Variants in PIEZO2 observed in about 807,000 individuals in gnomAD.
PIEZO2 encodes piezo type mechanosensitive ion channel component 2.
PIEZO2 carries 172 observed loss-of-function variants against 337.3 expected under a neutral mutation model. The observed-to-expected ratio is 0.51, with a 90% CI of 0.45 to 0.58. The LOEUF (loss-of-function observed/expected upper bound fraction) is 0.58, where lower values mean the gene tolerates loss of function less well. Ranked by LOEUF, PIEZO2 falls within the 20% of genes least tolerant of loss-of-function variation. The pLI is 0.00. For synonymous variants in PIEZO2, 1,251 were observed against 1,228.5 expected (o/e 1.02, Z -0.38); for missense variants, 3,028 against 3,391.3 (o/e 0.89, Z 2.66).
intron 2 of PIEZO2, among the ~76,000 whole-genome samples, chr18:11,023,271 C>G (rs1029982385): frequency 2.6e-5 from 4 of 152,056 alleles, no homozygotes; most frequent in Admixed American, 6.5e-5. Flanking sequence ...TACAGAGAGC[C>G]GAGTGGTCTG....
chr18:10,681,373 G>A (rs1299495895), intron 51 of PIEZO2, among the ~76,000 whole-genome samples: 1 of 152,200 alleles, frequency 6.6e-6, no homozygotes, highest in African/African-American at 2.4e-5. Context: ...GATTCCCAGA[G>A]TAGGCCTACT....
chr18:10,749,063 A>G (rs756697374), intron 29 of PIEZO2, among the ~76,000 whole-genome samples: 39 of 152,194 alleles, frequency 2.6e-4, no homozygotes, highest in Non-Finnish European at 4.6e-4. Flanking sequence ...TATTAGAAGG[A>G]GTATCAATAG....
chr18:10,804,639 C>T (rs2039937442), intron 8 of PIEZO2, among the ~76,000 whole-genome samples: 2 of 151,562 alleles, frequency 1.3e-5, no homozygotes, highest in African/African-American at 4.8e-5. Flanking sequence ...CAGAGTAGAA[C>T]TCCTAAGCAG....
rs984076725 is a variant in PIEZO2 at position 10,828,439 on chromosome 18, AT to A, written c.918-21166del. Among the ~76,000 whole-genome samples the A allele has an allele frequency of 6.6e-6, 1 of 152,148 alleles. No individual in the cohort carries two copies. The highest frequency in any genetic ancestry group is 1.5e-5 in the Non-Finnish European group (1 of 68,008). ...ACAAAAAGGTTGGGGATTTTGGTGC[AT>A]TTTAACAGCTTCTTCAATTAAGGGA... On this transcript the variant is annotated intron_variant, in intron 7 of 55. Transcript: ENST00000674853. The surrounding 1 kb of genome is among the most constrained non-coding windows in gnomAD (Gnocchi z 4.1).
chr18:11,032,512 G>C lies in PIEZO2; in HGVS notation c.160+33615C>G, dbSNP rs907726161. On this transcript the variant is annotated intron_variant, in intron 2 of 55. Transcript: ENST00000674853. This position sits in a 1 kb window ranked among gnomAD's most constrained non-coding sequence, Gnocchi z 4.9. ...GTAAATGTGTTAGCCAGTCTGGCTG[G>C]CTATGGATGACGGGTGGGAATTCTG... 6.6e-6 allele frequency among the ~76,000 whole-genome samples: 1 copy of C among 152,216 alleles called. No individual in the cohort carries two copies.
chr18:11,112,300 T>C lies in PIEZO2; in HGVS notation c.64+36225A>G, dbSNP rs984640929. Among the ~76,000 whole-genome samples, 2 of 152,314 alleles carry C rather than the reference T, an allele frequency of 1.3e-5. No homozygotes were observed. Among genetic ancestry groups the C allele is most frequent in the East Asian group, 1.9e-4 (1 of 5,190 alleles). On this transcript the variant is annotated intron_variant, in intron 1 of 55. Transcript: ENST00000674853. The surrounding 1 kb of genome is among the most constrained non-coding windows in gnomAD (Gnocchi z 4.3). ...TTTTGTTTGGTATCAGGAAGGTCAT[T>C]TGAGTTTAAAATAAAAACAGTTATT...
Position 10,682,775 on chromosome 18 carries a change from T to TTGTATCATGTTGTTCGACACC in PIEZO2, c.7498-484_7498-483insGGTGTCGAACAACATGATACA, listed in dbSNP as rs11283859. Among the ~76,000 whole-genome samples, 63,587 of 151,932 alleles carry TTGTATCATGTTGTTCGACACC rather than the reference T, an allele frequency of 0.42. 14,131 individuals carry two copies. The highest frequency in any genetic ancestry group is 0.57 in the East Asian group (2,929 of 5,158). On this transcript the variant is annotated intron_variant, in intron 49 of 55. Transcript: ENST00000674853. This position sits in a 1 kb window ranked among gnomAD's most constrained non-coding sequence, Gnocchi z 5.6. ...TTAATTTAATTCATGACACGTGTTG[T>TTGTATCATGTTGTTCGACACC]TAAAGACAATGTTGTTCGACACCTA...
chr18:11,137,825 G>A (rs927786567), intron 1 of PIEZO2, among the ~76,000 whole-genome samples: 3 of 152,212 alleles, frequency 2.0e-5, no homozygotes, highest in African/African-American at 7.2e-5. Flanking sequence ...CTGCCCTAGA[G>A]GGTTTGACCG....
chr18:10,791,029 G>T (rs557998834), intron 14 of PIEZO2, among the ~76,000 whole-genome samples, 172 bp downstream of exon 14: 8 of 152,180 alleles, frequency 5.3e-5, no homozygotes, highest in Admixed American at 2.6e-4. Flanking sequence ...TAGCACTCCT[G>T]TGCAACTCTC....
At chr18:11,093,680 G>A (rs372467780) in intron 1 of PIEZO2, among the ~76,000 whole-genome samples, 11 of 148,084 alleles carry the variant, frequency 7.4e-5, no homozygotes, top group East Asian at 2.0e-4. Context: ...TCCGCCTCCC[G>A]GGTTCAGGCC....
chr18:10,724,940 C>T lies in PIEZO2; in HGVS notation c.5029+6467G>A, dbSNP rs1288952457. On this transcript the variant is annotated intron_variant, in intron 36 of 55. Transcript: ENST00000674853. This position sits in a 1 kb window ranked among gnomAD's most constrained non-coding sequence, Gnocchi z 5.8. ...CCTCCACCTGGACGGCGATGGAACC[C>T]AGGTGGGCGCACCCTGCGGCCTGCA... The T allele has an allele frequency of 1.9e-6, 3 of 1,599,332 alleles. No homozygotes were observed. The highest frequency in any genetic ancestry group is 1.7e-5 in the Admixed American group (1 of 59,464).
chr18:11,009,199 A>G lies in PIEZO2; in HGVS notation c.161-29539T>C, dbSNP rs1215841743. ...CCACGTCACTGTTATTTGCCTGGGCAGTGTATCCCAAGGACTCTTATTAAA... is the reference window on the plus strand; with the variant it reads ...CCACGTCACTGTTATTTGCCTGGGCGGTGTATCCCAAGGACTCTTATTAAA... On this transcript the variant is annotated intron_variant, in intron 2 of 55. Transcript: ENST00000674853. This position sits in a 1 kb window ranked among gnomAD's most constrained non-coding sequence, Gnocchi z 4.6. 2.6e-5 allele frequency among the ~76,000 whole-genome samples: 4 copies of G among 152,224 alleles called. No homozygotes were observed. Among genetic ancestry groups the G allele is most frequent in the Admixed American group, 2.6e-4 (4 of 15,284 alleles).
rs978575866 is a variant in PIEZO2 at position 10,895,591 on chromosome 18, C to G, written c.329+15595G>C. ...GGGTACCTGTGCAGCAGTAGCAGTG[C>G]CGTGTGGGGTTGGTGATTGTGGGGT... On this transcript the variant is annotated intron_variant, in intron 4 of 55. Coordinates refer to ENST00000674853, the MANE Select transcript of PIEZO2 (RefSeq NM_001378183.1). This position sits in a 1 kb window ranked among gnomAD's most constrained non-coding sequence, Gnocchi z 4.8. Among the ~76,000 whole-genome samples the G allele has an allele frequency of 6.6e-6, 1 of 152,116 alleles. No individual in the cohort carries two copies. Among genetic ancestry groups the G allele is most frequent in the African/African-American group, 2.4e-5 (1 of 41,430 alleles).
At position 10,672,617 on chromosome 18, in the gene PIEZO2, G is replaced by A. The variant is rs761680162; in HGVS notation, c.8345+73C>T. 18 of 1,493,204 alleles carry A rather than the reference G, an allele frequency of 1.2e-5. No individual in the cohort carries two copies. The highest frequency in any genetic ancestry group is 1.6e-5 in the Non-Finnish European group (18 of 1,099,102). The allele number at this position is 1,493,204 out of a possible 1,614,324, so 92.5% of individuals were successfully genotyped here. ...ATTAGCGAATTCTAAGAAGATAAAA[G>A]GCTTCCCACTCTCAACTTTACATGA... On this transcript the variant is annotated intron_variant, in intron 55 of 55. Transcript: ENST00000674853. This position sits in a 1 kb window ranked among gnomAD's most constrained non-coding sequence, Gnocchi z 4.7.
chr18:10,794,870 A>G lies in PIEZO2; in HGVS notation c.1660T>C (p.Leu554=). The change falls in exon 13 of 56, where the codon TTG becomes CTG. Residue 554 remains leucine (L), a synonymous_variant. Coordinates refer to ENST00000674853, the MANE Select transcript of PIEZO2 (RefSeq NM_001378183.1). This position sits in a 1 kb window ranked among gnomAD's most constrained non-coding sequence, Gnocchi z 6.6. ...CTCCATATATACTGTAATATCAACA[A>G]TAGGTTTCCATAAACCACCATGAAG... ...SPFMVVYGNL[L]LILQYIWSFE... is the part of the protein sequence containing the mutation. The G allele has an allele frequency of 1.3e-6, 2 of 1,537,618 alleles. No homozygotes were observed. The highest frequency in any genetic ancestry group is 1.7e-6 in the Non-Finnish European group (2 of 1,146,634).
chr18:10,720,428 T>C (rs2036257694), intron 36 of PIEZO2, among the ~76,000 whole-genome samples: 1 of 2,958 alleles, frequency 3.4e-4, no homozygotes, highest in Non-Finnish European at 5.5e-4. Flanking sequence ...TGTATATATA[T>C]ATATATATAT....
intron 2 of PIEZO2, among the ~76,000 whole-genome samples, chr18:11,011,390 A>T (rs2145658165): frequency 6.6e-6 from 1 of 152,294 alleles, no homozygotes; most frequent in South Asian, 2.1e-4. Context: ...GCCGTGTTTG[A>T]CTTTTATCTC....
rs2039503585 is a variant in PIEZO2, at chr18:10,794,263, G to C, written c.1758+509C>G. ...AGTATGAACATTCTAACTCAGATAA[G>C]AACATATCATATAATCAGTAGAAGA... On this transcript the variant is annotated intron_variant, in intron 13 of 55. Transcript: ENST00000674853. This position sits in a 1 kb window ranked among gnomAD's most constrained non-coding sequence, Gnocchi z 6.6. Among the ~76,000 whole-genome samples, 1 of 152,010 alleles carries C rather than the reference G, an allele frequency of 6.6e-6. No individual in the cohort carries two copies. Among genetic ancestry groups the C allele is most frequent in the Non-Finnish European group, 1.5e-5 (1 of 67,996 alleles).
rs868829705 is a variant in PIEZO2 at position 11,016,501 on chromosome 18, C to T, written c.161-36841G>A. On this transcript the variant is annotated intron_variant, in intron 2 of 55. Transcript: ENST00000674853. This position sits in a 1 kb window ranked among gnomAD's most constrained non-coding sequence, Gnocchi z 5.6. Reference sequence around the variant, plus strand: ...TGCAAAGGGTGGGTATGAGGGGGGTCGGGTTAAGCGGCTTAACAAAGAGGT... The same window carrying T: ...TGCAAAGGGTGGGTATGAGGGGGGTTGGGTTAAGCGGCTTAACAAAGAGGT... Among the ~76,000 whole-genome samples the T allele has an allele frequency of 1.3e-5, 2 of 152,012 alleles. No individual in the cohort carries two copies. Among genetic ancestry groups the T allele is most frequent in the Admixed American group, 6.6e-5 (1 of 15,266 alleles).
Sources: allele counts gnomAD v4.1 joint callset (sites outside exome capture counted in the v4.1 genomes callset), GRCh38; gene constraint gnomAD v4.1.1; non-coding constraint Gnocchi (gnomAD v3.1); transcripts MANE v1.5; gene names NCBI Gene and HGNC (gene_info 2026-07-23, HGNC 2026-07-21).